RSRP1: variants seen among roughly 807,000 people sequenced by gnomAD.
RSRP1 encodes the protein arginine and serine rich protein 1, also known as arginine/serine-rich protein 1.
Under a neutral mutation model 33.0 loss-of-function variants are expected in RSRP1, and 37 were observed. The ratio of observed to expected loss-of-function variants is 1.12; its 90% confidence interval spans 0.86 to 1.48. RSRP1 has a LOEUF of 1.48. Ranked by LOEUF, RSRP1 falls within the 40% of genes most tolerant of loss-of-function variation. RSRP1 has a pLI of 0.00. For missense variants in RSRP1, 402 were observed against 385.3 expected (o/e 1.04, Z -0.36); for synonymous variants, 167 against 158.7 (o/e 1.05, Z -0.40).
chr1:25,289,264 G>A lies in RSRP1; in HGVS notation c.-66-42235C>T, dbSNP rs184807833. Among the ~76,000 whole-genome samples the A allele has an allele frequency of 8.1e-4, 107 of 132,048 alleles. 31 individuals are homozygous for A. Among genetic ancestry groups the A allele is most frequent in the Non-Finnish European group, 1.5e-3 (83 of 55,702 alleles). 86.6% of individuals were successfully genotyped at this position (132,048 alleles called of 152,430 possible). On this transcript the variant is annotated intron_variant, in intron 1 of 1. Coordinates refer to the RSRP1 transcript ENST00000561867. ...GGCTGGAGTGCAGTGGTGCAGTCTC[G>A]GCCCACTGAAACCTCTGCCTCCCGG...
At chr1:25,261,556 C>G (rs1252214773) in intron 1 of RSRP1, among the ~76,000 whole-genome samples, 1 of 151,998 alleles carries the variant, frequency 6.6e-6, no homozygotes, top group Non-Finnish European at 1.5e-5. Flanking sequence ...AGGCGCCCGC[C>G]ACCCTGCCCA....
At chr1:25,244,517 G>A (rs1232854341) in intron 3 of RSRP1, 2 of 1,289,176 alleles carry the variant, frequency 1.6e-6, no homozygotes, top group Middle Eastern at 2.1e-4. Context: ...CAGAAATAGA[G>A]CAGATAAACT....
chr1:25,308,127 A>G lies in RSRP1; in HGVS notation c.-67+29851T>C, dbSNP rs183020402. 1.1e-4 allele frequency among the ~76,000 whole-genome samples: 13 copies of G among 123,172 alleles called. 1 individual carries two copies. In the East Asian group the frequency reaches 1.6e-3, roughly 15 times the overall value. The allele number at this position is 123,172 out of a possible 152,430, so 80.8% of individuals were successfully genotyped here. On this transcript the variant is annotated intron_variant, in intron 1 of 1. Transcript: ENST00000561867. Reference sequence around the variant, plus strand: ...CCCAGGCTCAGTGTTGCCAGATCCAATGACTTCTCAAGAGCTCAAAATCTA... The same window carrying G: ...CCCAGGCTCAGTGTTGCCAGATCCAGTGACTTCTCAAGAGCTCAAAATCTA...
At chr1:25,284,684 G>T (rs1342727278) in intron 1 of RSRP1, 9 of 1,388,828 alleles carry the variant, frequency 6.5e-6, no homozygotes, top group African/African-American at 2.8e-5. Flanking sequence ...CTGGCGCTTG[G>T]TGTGCAGTGG....
In RSRP1 at chr1:25,269,097, G is replaced by A. The variant is rs185120396; in HGVS notation, c.-66-22068C>T. On this transcript the variant is annotated intron_variant, in intron 1 of 1. Coordinates refer to the RSRP1 transcript ENST00000561867. The stretch of plus-strand genomic sequence containing the variant: ...TGTCCTGATAAAGCCATGGTAAGTA[G>A]GAAATATTGTAAGTCAAAAATGCAT... Among the ~76,000 whole-genome samples, 193 of 132,210 alleles carry A rather than the reference G, an allele frequency of 1.5e-3. 27 individuals are homozygous for A. The highest frequency in any genetic ancestry group is 4.7e-3 in the African/African-American group (182 of 38,812). 86.7% of individuals were successfully genotyped at this position (132,210 alleles called of 152,430 possible).
At chr1:25,260,103 G>T (rs2124561204) in intron 1 of RSRP1, among the ~76,000 whole-genome samples, 1 of 152,284 alleles carries the variant, frequency 6.6e-6, no homozygotes, top group South Asian at 2.1e-4. Flanking sequence ...CTTCTTAACA[G>T]ACAATTGGTC....
At position 25,319,287 on chromosome 1, in the gene RSRP1, T is replaced by C. The variant is rs868817914; in HGVS notation, c.-67+18691A>G. 2.3e-5 allele frequency among the ~76,000 whole-genome samples: 3 copies of C among 131,428 alleles called. 1 individual carries two copies. Among genetic ancestry groups the C allele is most frequent in the Non-Finnish European group, 5.4e-5 (3 of 55,542 alleles). The allele number at this position is 131,428 out of a possible 152,430, so 86.2% of individuals were successfully genotyped here. Reference sequence around the variant, plus strand: ...TCCTTTAAGAGTTAAGACCAACAAGTTTTCTTCTTTACATGTTGTTTTTGA... The same window carrying C: ...TCCTTTAAGAGTTAAGACCAACAAGCTTTCTTCTTTACATGTTGTTTTTGA... On this transcript the variant is annotated intron_variant, in intron 1 of 1. Coordinates refer to the RSRP1 transcript ENST00000561867.
At position 25,246,929 on chromosome 1, in the gene RSRP1, G is replaced by A. The variant is rs1571519054; in HGVS notation, c.35C>T (p.Ser12Leu). 3 of 1,592,316 alleles carry A rather than the reference G, an allele frequency of 1.9e-6. No homozygotes were observed. The highest frequency in any genetic ancestry group is 1.7e-6 in the Non-Finnish European group (2 of 1,166,234). The change falls in exon 2 of 5, where the codon TCG becomes TTG. Residue 12 changes from serine to leucine, a missense_variant. Coordinates refer to ENST00000243189, the MANE Select transcript of RSRP1 (RefSeq NM_020317.5). ...CGAGGGCGAATCCTTCTCCTGCGGCGAGCCCGGCCACATGTCGTTCACGTA... is the reference window on the plus strand; with the variant it reads ...CGAGGGCGAATCCTTCTCCTGCGGCAAGCCCGGCCACATGTCGTTCACGTA... Reference protein sequence around the residue: ...SNYVNDMWPGSPQEKDSPSTS... With the variant: ...SNYVNDMWPGLPQEKDSPSTS...
chr1:25,319,392 A>G (rs530070597), intron 1 of RSRP1, among the ~76,000 whole-genome samples: 1 of 132,118 alleles, frequency 7.6e-6, no homozygotes, highest in African/African-American at 2.6e-5. Flanking sequence ...GAGGTGGGAG[A>G]ATAGCTTGAG....
intron 1 of RSRP1, chr1:25,322,046 TTA>T (rs1346317864): frequency 1.3e-6 from 1 of 766,374 alleles, no homozygotes; most frequent in African/African-American, 1.7e-5. Flanking sequence ...GACTTGCTGT[TTA>T]TGAGTAAAAC....
At chr1:25,261,678 A>G (rs1640157730) in intron 1 of RSRP1, among the ~76,000 whole-genome samples, 1 of 145,640 alleles carries the variant, frequency 6.9e-6, no homozygotes, top group Non-Finnish European at 1.5e-5. Flanking sequence ...TGCTGGGATT[A>G]CAGGCATGAG....
Position 25,294,106 on chromosome 1 carries a change from T to C in RSRP1, c.-67+43872A>G, listed in dbSNP as rs1020129306. ...CTTCCTTATTGTGAGCTTAATGGCA[T>C]GACAAAGCAGAGGCAAAGAGGCATA... On this transcript the variant is annotated intron_variant, in intron 1 of 1. Coordinates refer to the RSRP1 transcript ENST00000561867. The C allele has an allele frequency of 3.0e-6, 2 of 662,064 alleles. 1 individual carries two copies. The allele number at this position is 662,064 out of a possible 1,614,324, so 41.0% of individuals were successfully genotyped here. A position where few individuals can be genotyped will look rare whatever the true frequency, so the allele number is the denominator to read the frequency against.
intron 1 of RSRP1, among the ~76,000 whole-genome samples, chr1:25,322,500 C>G (rs1286195977): frequency 7.6e-6 from 1 of 132,212 alleles, no homozygotes. Flanking sequence ...TGTCGAAACC[C>G]CATCTCTACT....
At chr1:25,252,749 G>T (rs1460436282) in intron 1 of RSRP1, among the ~76,000 whole-genome samples, 2 of 152,116 alleles carry the variant, frequency 1.3e-5, no homozygotes, top group African/African-American at 4.8e-5. Flanking sequence ...TGGCCAGGCT[G>T]GTCTCGAACC....
intron 1 of RSRP1, among the ~76,000 whole-genome samples, chr1:25,252,902 G>A (rs1639834204): frequency 6.6e-6 from 1 of 152,106 alleles, no homozygotes. Context: ...TTGGACTCAA[G>A]GAACACGGAA....
At chr1:25,248,594 G>A (rs778668027), upstream of RSRP1, among the ~76,000 whole-genome samples, 14 of 152,282 alleles carry the variant, frequency 9.2e-5, no homozygotes, top group East Asian at 1.9e-4. Flanking sequence ...ACAGGCGTGA[G>A]CCACTTTGCC....
intron 1 of RSRP1, among the ~76,000 whole-genome samples, chr1:25,287,633 G>C (rs139670419): frequency 0.017 from 2,293 of 135,494 alleles, 386 homozygotes; most frequent in African/African-American, 0.054. Flanking sequence ...CAACGTTGTT[G>C]TTTGTTTTCC....
chr1:25,288,473 C>T (rs1642232970), intron 1 of RSRP1, among the ~76,000 whole-genome samples: 1 of 128,070 alleles, frequency 7.8e-6, no homozygotes, highest in Non-Finnish European at 1.8e-5. Flanking sequence ...AGCCACCATT[C>T]CTGGCCTTAA....
chr1:25,311,449 C>T lies in RSRP1; in HGVS notation c.-67+26529G>A, dbSNP rs1440445050. ...CTGAGGCAGGAGAATGGCATGAACC[C>T]GGGAGGCAGAGCTTGCAGTGAGCCA... On this transcript the variant is annotated intron_variant, in intron 1 of 1. Coordinates refer to the RSRP1 transcript ENST00000561867. Among the ~76,000 whole-genome samples the T allele has an allele frequency of 2.3e-5, 3 of 130,274 alleles. 1 individual carries two copies. Among genetic ancestry groups the T allele is most frequent in the Non-Finnish European group, 5.4e-5 (3 of 55,056 alleles). 85.5% of individuals were successfully genotyped at this position (130,274 alleles called of 152,430 possible). A position where few individuals can be genotyped will look rare whatever the true frequency, so the allele number is the denominator to read the frequency against.
Sources: gnomAD v4.1 joint callset for allele counts (sites outside exome capture counted in the v4.1 genomes callset) on GRCh38, gnomAD v4.1.1 for gene constraint, MANE v1.5 for transcripts, NCBI Gene and HGNC (gene_info 2026-07-23, HGNC 2026-07-21) for gene names.